DPP10: variants seen among roughly 807,000 people sequenced by gnomAD.
DPP10 encodes dipeptidyl peptidase like 10.
Under a neutral mutation model 120.9 loss-of-function variants are expected in DPP10, and 33 were observed. That is an observed-to-expected ratio of 0.27 (90% CI 0.21 to 0.37). DPP10 has a LOEUF of 0.37. Ranked by LOEUF, DPP10 falls within the 10% of genes least tolerant of loss-of-function variation. DPP10 has a pLI of 1.00. For synonymous variants in DPP10, 337 were observed against 326.1 expected, an observed-to-expected ratio of 1.03 and a Z score of -0.36; for missense variants, 816 against 942.8, an observed-to-expected ratio of 0.87 and a Z score of 1.76.
chr2:114,728,134 A>G, intron 1 of DPP10, among the ~76,000 whole-genome samples: 1 of 152,170 alleles, frequency 6.6e-6, no homozygotes, highest in East Asian at 1.9e-4. Context: ...CAGCTTCAAA[A>G]CAGGTCTCCA....
intron 1 of DPP10, among the ~76,000 whole-genome samples, chr2:115,256,899 T>A (rs1369634580): frequency 6.6e-6 from 1 of 152,224 alleles, no homozygotes; most frequent in African/African-American, 2.4e-5. Context: ...TACACGTGGC[T>A]GGTTAGAAAT....
At chr2:115,235,486 C>G (rs553152872) in intron 1 of DPP10, among the ~76,000 whole-genome samples, 23 of 152,090 alleles carry the variant, frequency 1.5e-4, no homozygotes, top group Admixed American at 3.9e-4. Context: ...CATTTCAAAG[C>G]TAAGGTTGTG....
At chr2:115,041,579 G>T (rs1317972899) in intron 1 of DPP10, among the ~76,000 whole-genome samples, 1 of 152,066 alleles carries the variant, frequency 6.6e-6, no homozygotes, top group Non-Finnish European at 1.5e-5. Context: ...TTAACAATCT[G>T]TATTCTATGT....
At chr2:114,734,043 A>G (rs1022721433) in intron 1 of DPP10, among the ~76,000 whole-genome samples, 3 of 152,170 alleles carry the variant, frequency 2.0e-5, no homozygotes, top group African/African-American at 7.2e-5. Flanking sequence ...ATTTAACCCT[A>G]TATATCATGG....
chr2:114,923,472 CTTTTTT>C (rs71394115), intron 1 of DPP10, among the ~76,000 whole-genome samples: 9 of 69,420 alleles, frequency 1.3e-4, no homozygotes, highest in Non-Finnish European at 1.8e-4. Context: ...GCCTTTTTTC[CTTTTTT>C]TTTTTTTTTT....
At chr2:115,620,655 C>A (rs1575357635) in intron 5 of DPP10, among the ~76,000 whole-genome samples, 1 of 152,294 alleles carries the variant, frequency 6.6e-6, no homozygotes, top group Non-Finnish European at 1.5e-5. Flanking sequence ...TTAGTATGTT[C>A]ATTTCCCCAT....
chr2:114,646,230 G>A (rs1201745406), intron 1 of DPP10, among the ~76,000 whole-genome samples: 1 of 151,816 alleles, frequency 6.6e-6, no homozygotes, highest in East Asian at 1.9e-4. Context: ...GCACTAGTCT[G>A]CATCCATTCA....
At chr2:114,571,499 A>G (rs1037795058) in intron 1 of DPP10, among the ~76,000 whole-genome samples, 11 of 152,124 alleles carry the variant, frequency 7.2e-5, no homozygotes, top group Non-Finnish European at 1.5e-4. Context: ...TCTTTATATC[A>G]ATGAGAGAAC....
At chr2:114,742,162 G>C (rs1678128068) in intron 1 of DPP10, among the ~76,000 whole-genome samples, 1 of 152,170 alleles carries the variant, frequency 6.6e-6, no homozygotes, top group African/African-American at 2.4e-5. Context: ...CTTTCATGGA[G>C]TCACATTTGC....
At chr2:114,663,888 A>G (rs979891373) in intron 1 of DPP10, among the ~76,000 whole-genome samples, 9 of 151,074 alleles carry the variant, frequency 6.0e-5, no homozygotes, top group African/African-American at 2.2e-4. Flanking sequence ...TATGTAGAAC[A>G]TCACCCTTAA....
intron 1 of DPP10, among the ~76,000 whole-genome samples, chr2:114,743,421 GAA>G (rs11355689): frequency 1.0e-3 from 154 of 147,858 alleles, no homozygotes; most frequent in African/African-American, 1.6e-3. Context: ...CATGGAAATA[GAA>G]AAAAAAAAAA....
rs186356211 is a variant in DPP10 at position 115,626,131 on chromosome 2, C to T, written c.442-63556C>T. ...AAAATGGGATAGAGGGAATAAGAAT[C>T]GGAATGTAAGTTCCTTGAAAGCAAG... On this transcript the variant is annotated intron_variant, in intron 5 of 25. Coordinates refer to ENST00000410059, the MANE Select transcript of DPP10 (RefSeq NM_020868.6). 5.3e-3 allele frequency among the ~76,000 whole-genome samples: 798 copies of T among 151,400 alleles called. 5 individuals are homozygous for T. The highest frequency in any genetic ancestry group is 0.018 in the African/African-American group (751 of 41,362).
chr2:114,617,894 C>A (rs1361539231), intron 1 of DPP10, among the ~76,000 whole-genome samples: 3 of 151,976 alleles, frequency 2.0e-5, no homozygotes, highest in Admixed American at 2.0e-4. Flanking sequence ...TAAATCAGTC[C>A]AGGCAGTACC....
chr2:115,470,554 G>GA (rs201462842), intron 3 of DPP10, among the ~76,000 whole-genome samples: 50 of 151,954 alleles, frequency 3.3e-4, no homozygotes, highest in Non-Finnish European at 5.9e-4. Context: ...CAGACTAGGA[G>GA]AAAAAAAACT....
intron 1 of DPP10, among the ~76,000 whole-genome samples, chr2:114,723,190 G>A (rs72830375): frequency 6.6e-6 from 1 of 152,288 alleles, no homozygotes; most frequent in Non-Finnish European, 1.5e-5. Context: ...GGAAAGGTAT[G>A]AACAATCAGT....
intron 1 of DPP10, among the ~76,000 whole-genome samples, chr2:115,100,323 C>A (rs2048620966): frequency 6.6e-6 from 1 of 152,072 alleles, no homozygotes; most frequent in Admixed American, 6.5e-5. Flanking sequence ...GTGGCACATG[C>A]CTGTAGTCCT....
chr2:114,663,609 A>G (rs1697619781), intron 1 of DPP10, among the ~76,000 whole-genome samples: 1 of 147,868 alleles, frequency 6.8e-6, no homozygotes, highest in South Asian at 2.1e-4. Context: ...GTACATATGT[A>G]TATACATATA....
At chr2:115,074,537 A>C (rs1276672217) in intron 1 of DPP10, among the ~76,000 whole-genome samples, 1 of 152,214 alleles carries the variant, frequency 6.6e-6, no homozygotes, top group African/African-American at 2.4e-5. Context: ...CAAACAAGCA[A>C]GTTTCCTGAC....
At chr2:115,662,920 CA>C (rs2089121437) in intron 5 of DPP10, among the ~76,000 whole-genome samples, 1 of 152,092 alleles carries the variant, frequency 6.6e-6, no homozygotes, top group Non-Finnish European at 1.5e-5. Context: ...TGTATTTGAG[CA>C]AATCAATTAA....
Sources: allele counts gnomAD v4.1 joint callset (sites outside exome capture counted in the v4.1 genomes callset), GRCh38; gene constraint gnomAD v4.1.1; transcripts MANE v1.5; gene names NCBI Gene and HGNC (gene_info 2026-07-23, HGNC 2026-07-21).